MYO10: variants seen among roughly 807,000 people sequenced by gnomAD.
MYO10 encodes the protein myosin X.
Under a neutral mutation model 257.3 loss-of-function variants are expected in MYO10, and 133 were observed. The ratio of observed to expected loss-of-function variants is 0.52; its 90% CI spans 0.45 to 0.60. The LOEUF (loss-of-function observed/expected upper bound fraction) is 0.60. MYO10 is among the 20% of genes least tolerant of loss of function. The pLI, the probability that MYO10 is intolerant of heterozygous loss-of-function variation, is 0.00. For synonymous variants in MYO10, 1,104 were observed against 1,028.6 expected (o/e 1.07, Z -1.40); for missense variants, 2,399 against 2,635.7 (o/e 0.91, Z 1.97).
At chr5:16,748,040 T>C (rs1381861606) in intron 19 of MYO10, among the ~76,000 whole-genome samples, 1 of 151,432 alleles carries the variant, frequency 6.6e-6, no homozygotes, top group Middle Eastern at 3.5e-3. Flanking sequence ...ATGTGTCACA[T>C]TATCATCCGA....
At chr5:16,777,223 G>A (rs202112722) in intron 9 of MYO10, among the ~76,000 whole-genome samples, 3 of 152,312 alleles carry the variant, frequency 2.0e-5, no homozygotes, top group East Asian at 3.9e-4. Flanking sequence ...GGTGCTGTCT[G>A]CAGGAGGGTT....
chr5:16,894,675 G>A (rs1401412074), intron 1 of MYO10, among the ~76,000 whole-genome samples: 2 of 152,160 alleles, frequency 1.3e-5, no homozygotes, highest in East Asian at 1.9e-4. Flanking sequence ...TAAGGGACAC[G>A]CCTCATTCCC....
intron 1 of MYO10, among the ~76,000 whole-genome samples, chr5:16,891,218 T>C (rs1420414831): frequency 6.6e-6 from 1 of 151,080 alleles, no homozygotes; most frequent in Non-Finnish European, 1.5e-5. Context: ...ACTCTTGAAC[T>C]CAGGAGGCAG....
chr5:16,696,688 T>A (rs890935816), intron 26 of MYO10, among the ~76,000 whole-genome samples: 8 of 151,938 alleles, frequency 5.3e-5, no homozygotes, highest in Non-Finnish European at 1.0e-4. Context: ...AAACCCCGTC[T>A]CTACTCAAAA....
chr5:16,837,182 G>T (rs556748479), intron 2 of MYO10, among the ~76,000 whole-genome samples: 5 of 151,988 alleles, frequency 3.3e-5, no homozygotes, highest in East Asian at 1.9e-4. Flanking sequence ...TGGTGGCAGA[G>T]GCCTGTAATC....
chr5:16,712,884 A>G (rs1016146191), intron 19 of MYO10, among the ~76,000 whole-genome samples: 51 of 152,330 alleles, frequency 3.3e-4, no homozygotes, highest in African/African-American at 1.1e-3. Context: ...AAGTAAGAAA[A>G]GCATAAAAAT....
At chr5:16,815,581 G>C (rs1742579125) in intron 3 of MYO10, 1 of 631,124 alleles carries the variant, frequency 1.6e-6, no homozygotes, top group South Asian at 1.9e-5. Flanking sequence ...CAACTACCAG[G>C]TGCCTGGCAG....
chr5:16,727,216 T>G (rs527432198), intron 19 of MYO10, among the ~76,000 whole-genome samples: 6 of 152,346 alleles, frequency 3.9e-5, no homozygotes, highest in Admixed American at 2.6e-4. Context: ...CACTTCTAAA[T>G]GTGGCTACTA....
chr5:16,790,895 T>TTTTATA (rs1553996504), intron 4 of MYO10, among the ~76,000 whole-genome samples: 2 of 144,494 alleles, frequency 1.4e-5, no homozygotes, highest in East Asian at 4.1e-4. Context: ...AGTTTTAAAT[T>TTTTATA]TATATATATA....
chr5:16,670,402 G>A (rs560948713), intron 39 of MYO10, 124 bp downstream of exon 39: 21 of 812,224 alleles, frequency 2.6e-5, no homozygotes, highest in South Asian at 1.9e-4. Context: ...CTGGGGGCTC[G>A]AATAAAAGAG....
In MYO10 at chr5:16,703,044, CT is replaced by C; in HGVS notation, c.2390del (p.Lys797SerfsTer78). ...HLKKAAIVFQ[K>X]QLRGQIARRV... ...TCCGAGCAATCTGACCTCTGAGTTG[CT>C]TCTGGAAAACTATGGCTGCCTTTTT... On this transcript the variant is annotated frameshift_variant, in exon 23 of 41. Transcript: ENST00000513610. LOFTEE classifies it high-confidence loss of function. 1 of 1,555,462 alleles carries C rather than the reference CT, an allele frequency of 6.4e-7. No individual in the cohort carries two copies. The highest frequency in any genetic ancestry group is 8.7e-7 in the Non-Finnish European group (1 of 1,148,362).
chr5:16,731,795 T>C (rs1447531703), intron 19 of MYO10, among the ~76,000 whole-genome samples: 1 of 152,192 alleles, frequency 6.6e-6, no homozygotes, highest in Non-Finnish European at 1.5e-5. Context: ...CAGCTTGGGA[T>C]AGGGCGGCTC....
intron 19 of MYO10, among the ~76,000 whole-genome samples, chr5:16,743,980 C>T (rs1475436750): frequency 6.6e-6 from 1 of 152,140 alleles, no homozygotes; most frequent in Non-Finnish European, 1.5e-5. Context: ...TATATGCTCA[C>T]ATTTTCTGTA....
intron 19 of MYO10, among the ~76,000 whole-genome samples, chr5:16,752,316 T>C (rs983451341): frequency 2.0e-5 from 3 of 152,202 alleles, no homozygotes; most frequent in South Asian, 2.1e-4. Flanking sequence ...AGAGTCTTGC[T>C]GTATTCCACA....
chr5:16,781,855 C>G (rs1579984562), intron 5 of MYO10, 26 bp from the exon 6 acceptor site: 1 of 1,612,970 alleles, frequency 6.2e-7, no homozygotes, highest in East Asian at 2.2e-5. Flanking sequence ...GGGCAGCAGA[C>G]AGCATTAATA....
chr5:16,688,708 C>G (rs185829245), intron 28 of MYO10, among the ~76,000 whole-genome samples: 9 of 151,358 alleles, frequency 5.9e-5, no homozygotes, highest in Non-Finnish European at 1.2e-4. Flanking sequence ...CCAGTGCACT[C>G]CAGCCTGGGC....
intron 18 of MYO10, among the ~76,000 whole-genome samples, chr5:16,757,837 G>C (rs1740581421): frequency 6.6e-6 from 1 of 152,058 alleles, no homozygotes; most frequent in Admixed American, 6.6e-5. Flanking sequence ...GATAATTTCT[G>C]TATTTTTTGT....
intron 25 of MYO10, among the ~76,000 whole-genome samples, chr5:16,699,803 A>AAGG (rs1737955762): frequency 6.8e-6 from 1 of 146,922 alleles, no homozygotes; most frequent in African/African-American, 2.7e-5. Context: ...AAAAAAAAAA[A>AAGG]AAAAGGGAAA....
At chr5:16,729,544 C>A (rs763174882) in intron 19 of MYO10, among the ~76,000 whole-genome samples, 22 of 151,800 alleles carry the variant, frequency 1.4e-4, no homozygotes, top group South Asian at 4.2e-4. Context: ...TTCTGCCTCC[C>A]GGGTTCACAC....
Sources: gnomAD v4.1 joint callset for allele counts (sites outside exome capture counted in the v4.1 genomes callset) on GRCh38, gnomAD v4.1.1 for gene constraint, MANE v1.5 for transcripts, NCBI Gene and HGNC (gene_info 2026-07-23, HGNC 2026-07-21) for gene names.